Variants in VWA8 observed in about 807,000 individuals in gnomAD.
The protein encoded by VWA8 is von Willebrand factor A domain containing 8.
In VWA8, 221 loss-of-function variants were observed where a neutral mutation model predicts 241.5. That is an observed-to-expected ratio of 0.91 (90% CI 0.82 to 1.02). The LOEUF is 1.02. VWA8 is among the 50% of genes least tolerant of loss of function. The probability of loss-of-function intolerance (pLI) is 0.00; values close to 1 mark genes in which losing one functional copy is unlikely to be tolerated. For synonymous variants in VWA8, 852 were observed against 827.1 expected (o/e 1.03, Z -0.52); for missense variants, 2,322 against 2,328.7 (o/e 1.00, Z 0.06).
intron 34 of VWA8, among the ~76,000 whole-genome samples, chr13:41,686,607 T>C (rs933616883): frequency 1.3e-5 from 2 of 152,156 alleles, no homozygotes; most frequent in African/African-American, 4.8e-5. Flanking sequence ...ATCTAATAAC[T>C]ACATGGTTCA....
chr13:41,793,110 T>C (rs1460010860), intron 17 of VWA8, among the ~76,000 whole-genome samples: 1 of 152,172 alleles, frequency 6.6e-6, no homozygotes, highest in Non-Finnish European at 1.5e-5. Flanking sequence ...CTGGTAGATA[T>C]TCTTTATGAG....
chr13:41,750,911 A>C (rs1030387656), intron 21 of VWA8, among the ~76,000 whole-genome samples: 6 of 151,950 alleles, frequency 3.9e-5, no homozygotes, highest in Non-Finnish European at 7.4e-5. Flanking sequence ...ACTCAAGCAC[A>C]GTACAGTACA....
intron 2 of VWA8, chr13:41,925,933 G>A: frequency 2.7e-6 from 1 of 375,088 alleles, no homozygotes; most frequent in Non-Finnish European, 5.3e-6. Context: ...CAAGAATATA[G>A]TCACCAGCAG....
chr13:41,663,376 G>A (rs925773662), intron 37 of VWA8, among the ~76,000 whole-genome samples: 1 of 151,942 alleles, frequency 6.6e-6, no homozygotes, highest in Non-Finnish European at 1.5e-5. Context: ...TTATTTTGAA[G>A]TAATTTTTAA....
intron 15 of VWA8, among the ~76,000 whole-genome samples, chr13:41,818,443 G>A (rs565407889): frequency 7.3e-5 from 11 of 151,672 alleles, no homozygotes; most frequent in East Asian, 5.9e-4. Flanking sequence ...GTGGTGGTGC[G>A]CACCTGTAGT....
intron 2 of VWA8, among the ~76,000 whole-genome samples, chr13:41,923,966 G>C (rs1472425388): frequency 6.6e-6 from 1 of 151,916 alleles, no homozygotes; most frequent in Non-Finnish European, 1.5e-5. Flanking sequence ...ATCAGCATCA[G>C]AACACAAACA....
chr13:41,576,868 T>TA (rs1305716504), intron 42 of VWA8, among the ~76,000 whole-genome samples: 1 of 152,230 alleles, frequency 6.6e-6, no homozygotes, highest in East Asian at 1.9e-4. Context: ...CCATAGCCCA[T>TA]ACCCTTCTCT....
chr13:41,913,614 C>A (rs1238996054), intron 2 of VWA8, among the ~76,000 whole-genome samples: 1 of 152,114 alleles, frequency 6.6e-6, no homozygotes. Context: ...ACTCCCCTGC[C>A]CCAAAGAAAG....
chr13:41,638,182 G>A (rs2044771386), intron 37 of VWA8, among the ~76,000 whole-genome samples: 1 of 152,104 alleles, frequency 6.6e-6, no homozygotes, highest in Non-Finnish European at 1.5e-5. Context: ...GACATTTCCA[G>A]CTTGAAACCT....
intron 9 of VWA8, among the ~76,000 whole-genome samples, chr13:41,880,241 C>T (rs1189574594): frequency 6.6e-6 from 1 of 152,190 alleles, no homozygotes; most frequent in Non-Finnish European, 1.5e-5. Flanking sequence ...TAACCTTCAC[C>T]CAGTTTCCTC....
chr13:41,570,146 AGC>A (rs1375474240), intron 44 of VWA8, among the ~76,000 whole-genome samples: 1 of 152,212 alleles, frequency 6.6e-6, no homozygotes, highest in Non-Finnish European at 1.5e-5. Flanking sequence ...GATTAGCCTG[AGC>A]TTAGGAGCTT....
chr13:41,750,470 C>CAA (rs199864418), intron 21 of VWA8, among the ~76,000 whole-genome samples: 3 of 119,860 alleles, frequency 2.5e-5, no homozygotes, highest in African/African-American at 3.1e-5. Flanking sequence ...AAAACAAAAA[C>CAA]AAAAAAAAAA....
At chr13:41,884,740 T>C (rs1432971067) in intron 8 of VWA8, among the ~76,000 whole-genome samples, 1 of 152,150 alleles carries the variant, frequency 6.6e-6, no homozygotes, top group Non-Finnish European at 1.5e-5. Flanking sequence ...AAAGATTTCA[T>C]AAGAATTTTC....
intron 21 of VWA8, among the ~76,000 whole-genome samples, chr13:41,747,722 T>G (rs931487682): frequency 6.6e-6 from 1 of 152,192 alleles, no homozygotes; most frequent in South Asian, 2.1e-4. Flanking sequence ...CAGTATGATA[T>G]TGGCTGCGGG....
chr13:41,807,627 A>G (rs1430011244), intron 17 of VWA8: 1 of 152,252 alleles, frequency 6.6e-6, no homozygotes, highest in East Asian at 1.9e-4. Context: ...AAAGAATTTT[A>G]TAAAATTCAA....
At chr13:41,923,555 C>CG (rs1440723880) in intron 2 of VWA8, among the ~76,000 whole-genome samples, 1 of 152,030 alleles carries the variant, frequency 6.6e-6, no homozygotes, top group Admixed American at 6.5e-5. Flanking sequence ...TGTAAGACCC[C>CG]GGGCCTAGGA....
At chr13:41,746,440 G>C (rs1361618762) in intron 21 of VWA8, among the ~76,000 whole-genome samples, 17 of 152,126 alleles carry the variant, frequency 1.1e-4, no homozygotes. Flanking sequence ...GGAGTCTGTA[G>C]CTCTGACTCA....
chr13:41,719,297 T>C (rs1178670824), intron 26 of VWA8: 2 of 1,131,300 alleles, frequency 1.8e-6, no homozygotes, highest in Non-Finnish European at 2.2e-6. Context: ...TTATACGAAA[T>C]AGTAATACGC....
intron 28 of VWA8, among the ~76,000 whole-genome samples, 154 bp from the exon 29 acceptor site, chr13:41,699,424 C>G (rs1467585903): frequency 6.6e-6 from 1 of 152,152 alleles, no homozygotes; most frequent in Non-Finnish European, 1.5e-5. Context: ...CTGAAAAGAC[C>G]ATGAGAAACA....
Sources: allele counts gnomAD v4.1 joint callset (sites outside exome capture counted in the v4.1 genomes callset), GRCh38; gene constraint gnomAD v4.1.1; transcripts MANE v1.5; gene names NCBI Gene and HGNC (gene_info 2026-07-23, HGNC 2026-07-21).